Variants in RP1 observed in about 807,000 individuals in gnomAD.
The protein encoded by RP1 is oxygen-regulated protein 1.
In RP1, 16 loss-of-function variants were observed where a neutral mutation model predicts 14.8. The observed-to-expected ratio is 1.08, with a 90% CI of 0.73 to 1.65. RP1 has a LOEUF of 1.65. RP1 is among the 40% of genes most tolerant of loss of function. The pLI is 0.00. For missense variants in RP1, 2,631 were observed against 2,535.0 expected (o/e 1.04, Z -0.81); for synonymous variants, 876 against 883.6 (o/e 0.99, Z 0.15).
intron 12 of RP1, chr8:54,696,461 G>A (rs767569494): frequency 4.5e-6 from 4 of 879,418 alleles, no homozygotes; most frequent in Non-Finnish European, 7.4e-6. Context: ...AAAGAGGAAA[G>A]CTTATCAAGC....
chr8:54,774,591 T>C (rs1809989951), downstream of RP1, among the ~76,000 whole-genome samples: 1 of 152,208 alleles, frequency 6.6e-6, no homozygotes, highest in African/African-American at 2.4e-5. Context: ...AGTGCAGTGC[T>C]TCTCATGCCC....
chr8:54,868,896 T>C (rs1203969814), intron 28 of RP1, among the ~76,000 whole-genome samples: 1 of 152,156 alleles, frequency 6.6e-6, no homozygotes, highest in Non-Finnish European at 1.5e-5. Context: ...AACCAAGATA[T>C]AGAGGGGTTA....
chr8:54,802,671 G>A (rs1810741447), intron 24 of RP1, among the ~76,000 whole-genome samples: 1 of 152,168 alleles, frequency 6.6e-6, no homozygotes, highest in Non-Finnish European at 1.5e-5. Context: ...CACACAATAG[G>A]TTTAACACCG....
intron 12 of RP1, among the ~76,000 whole-genome samples, chr8:54,687,481 C>A (rs1336336606): frequency 6.6e-6 from 1 of 152,028 alleles, no homozygotes. Context: ...CCCTGACAGG[C>A]CCCGGTTTGT....
intron 19 of RP1, among the ~76,000 whole-genome samples, chr8:54,740,575 A>G (rs1809054590): frequency 6.6e-6 from 1 of 151,986 alleles, no homozygotes. Flanking sequence ...TACAAGAATT[A>G]GCTGGGCGTG....
At position 54,625,375 on chromosome 8, in the gene RP1, A is replaced by G. The variant is rs746174252; in HGVS notation, c.1493A>G (p.Tyr498Cys). ...GAAAGTGGGGAAAACAAGTCTGAGT[A>G]TCACATGTTTACACATTCTTGCAGT... is the stretch of plus-strand genomic sequence containing the variant. ...ERESGENKSE[Y>C]HMFTHSCSKM... Residue 498 changes from tyrosine (Y) to cysteine (C), a missense_variant, in exon 4 of 4, where the codon TAT (tyrosine) becomes TGT (cysteine). Coordinates refer to ENST00000220676, the MANE Select transcript of RP1 (RefSeq NM_006269.2). 2 of 1,614,002 alleles carry G rather than the reference A, an allele frequency of 1.2e-6. No individual in the cohort carries two copies. The highest frequency in any genetic ancestry group is 2.2e-5 in the South Asian group (2 of 91,082).
At chr8:54,587,088 A>G (rs1053346866) in intron 1 of RP1, among the ~76,000 whole-genome samples, 1 of 152,186 alleles carries the variant, frequency 6.6e-6, no homozygotes, top group Non-Finnish European at 1.5e-5. Context: ...TGCGTTGCTC[A>G]TGCTGGGAGC....
chr8:54,639,438 G>C (rs557132387), intron 3 of RP1, among the ~76,000 whole-genome samples: 1 of 152,160 alleles, frequency 6.6e-6, no homozygotes, highest in African/African-American at 2.4e-5. Context: ...AAATATCTAG[G>C]AGTGAGATTG....
At position 54,602,585 on chromosome 8, in the gene RP1, A is replaced by G. The variant is rs184399894; in HGVS notation, c.-12-18370A>G. On this transcript the variant is annotated intron_variant, in intron 1 of 22. Coordinates refer to the RP1 transcript ENST00000636932. ...GATGGCTGGGTCAAATGGTATTTCTAGTTCTAGATCCCTGAGGAATCACTA... is the reference window on the plus strand; with the variant it reads ...GATGGCTGGGTCAAATGGTATTTCTGGTTCTAGATCCCTGAGGAATCACTA... Among the ~76,000 whole-genome samples the G allele has an allele frequency of 6.8e-3, 1,033 of 152,280 alleles. 45 individuals carry two copies. Among genetic ancestry groups the G allele is most frequent in the Admixed American group, 0.062 (941 of 15,296 alleles).
At chr8:54,820,304 T>C (rs1811225158) in intron 24 of RP1, among the ~76,000 whole-genome samples, 1 of 152,066 alleles carries the variant, frequency 6.6e-6, no homozygotes, top group Admixed American at 6.5e-5. Flanking sequence ...TTGCACTGGG[T>C]TGTATACATT....
intron 12 of RP1, among the ~76,000 whole-genome samples, chr8:54,681,922 T>G (rs181679433): frequency 1.3e-5 from 2 of 152,176 alleles, no homozygotes; most frequent in African/African-American, 4.8e-5. Flanking sequence ...AGGTACCACA[T>G]TTTCTTTATC....
At chr8:54,764,124 C>T (rs1319853900) in intron 22 of RP1, among the ~76,000 whole-genome samples, 1 of 152,236 alleles carries the variant, frequency 6.6e-6, no homozygotes, top group Non-Finnish European at 1.5e-5. Flanking sequence ...GTCTGTTGTT[C>T]CACCGAAACA....
intron 1 of RP1, among the ~76,000 whole-genome samples, chr8:54,619,476 A>C (rs1805804210): frequency 6.6e-6 from 1 of 152,252 alleles, no homozygotes; most frequent in Non-Finnish European, 1.5e-5. Flanking sequence ...CTAATAATTA[A>C]AATGATTTCA....
At chr8:54,782,628 C>T (rs1253143269) in intron 23 of RP1, among the ~76,000 whole-genome samples, 1 of 152,140 alleles carries the variant, frequency 6.6e-6, no homozygotes, top group Admixed American at 6.6e-5. Context: ...AGAGTTCTAA[C>T]TGGCAGGACT....
At chr8:54,827,394 G>A (rs1370334246) in intron 24 of RP1, among the ~76,000 whole-genome samples, 3 of 150,680 alleles carry the variant, frequency 2.0e-5, no homozygotes, top group Admixed American at 6.6e-5. Flanking sequence ...TGGTACAATC[G>A]TGACTTACTG....
intron 1 of RP1, among the ~76,000 whole-genome samples, chr8:54,563,500 A>T (rs1000502868): frequency 4.0e-5 from 6 of 151,494 alleles, no homozygotes; most frequent in African/African-American, 1.5e-4. Flanking sequence ...TGAATGGCTT[A>T]CAAGTGTCAG....
chr8:54,647,691 C>CT (rs558859683), intron 3 of RP1, among the ~76,000 whole-genome samples: 223 of 148,058 alleles, frequency 1.5e-3, no homozygotes, highest in African/African-American at 4.9e-3. Flanking sequence ...TGTTTTATTC[C>CT]TTTTTTTTTT....
intron 15 of RP1, among the ~76,000 whole-genome samples, chr8:54,712,636 C>T (rs1808318845): frequency 6.6e-6 from 1 of 152,198 alleles, no homozygotes; most frequent in Non-Finnish European, 1.5e-5. Context: ...AGAGCCTCCA[C>T]AGAAAACTCC....
At chr8:54,830,259 CTT>C (rs1563389434) in intron 24 of RP1, among the ~76,000 whole-genome samples, 1 of 151,338 alleles carries the variant, frequency 6.6e-6, no homozygotes, top group Non-Finnish European at 1.5e-5. Flanking sequence ...TGAATTGACT[CTT>C]GTCATAAAAT....
Sources: gnomAD v4.1 joint callset for allele counts (sites outside exome capture counted in the v4.1 genomes callset) on GRCh38, gnomAD v4.1.1 for gene constraint, MANE v1.5 for transcripts, NCBI Gene and HGNC (gene_info 2026-07-23, HGNC 2026-07-21) for gene names.